The following ABCA12 variants were observed in gnomAD, a reference collection of about 807,000 sequenced individuals.
The protein encoded by ABCA12 is ATP binding cassette subfamily A member 12.
A neutral mutation model predicts 293.5 loss-of-function variants in ABCA12; 156 were observed. The ratio of observed to expected loss-of-function variants is 0.53; its 90% confidence interval spans 0.47 to 0.61. ABCA12 has a LOEUF of 0.61. Ranked by LOEUF, ABCA12 falls within the 20% of genes least tolerant of loss-of-function variation. ABCA12 has a pLI of 0.00. For missense variants in ABCA12, 2,797 were observed against 3,090.2 expected, an observed-to-expected ratio of 0.91 and a Z score of 2.25; for synonymous variants, 1,063 against 1,108.0, an observed-to-expected ratio of 0.96 and a Z score of 0.81.
At chr2:214,981,497 A>T (rs1699652454) in intron 30 of ABCA12, among the ~76,000 whole-genome samples, 1 of 152,116 alleles carries the variant, frequency 6.6e-6, no homozygotes, top group Non-Finnish European at 1.5e-5. Context: ...CTAAGCATTA[A>T]ACTTTGAAAC....
chr2:215,081,642 T>C (rs1040965448), intron 2 of ABCA12, among the ~76,000 whole-genome samples: 5 of 152,144 alleles, frequency 3.3e-5, no homozygotes, highest in African/African-American at 9.7e-5. Context: ...TTTTAAACAT[T>C]GGAATGCTCT....
rs1269195041 is a variant in ABCA12 at position 214,948,507 on chromosome 2, CA to C, written c.7104+88del. The C allele has an allele frequency of 8.2e-6, 11 of 1,345,226 alleles. No homozygotes were observed. The African/African-American group carries it at 2.0e-4, about 25-fold the overall frequency. 83.3% of individuals were successfully genotyped at this position (1,345,226 alleles called of 1,614,324 possible). Reference sequence around the variant, plus strand: ...GTGGTTTTGAGGGGAAATGGTGGGGCAGGGGGGACAGTGGGTGTGGTGGGGT... The same window carrying C: ...GTGGTTTTGAGGGGAAATGGTGGGGCGGGGGGACAGTGGGTGTGGTGGGGT... On this transcript the variant is annotated intron_variant, in intron 47 of 52. Transcript: ENST00000272895.
intron 7 of ABCA12, 94 bp from the exon 8 acceptor site, chr2:215,037,159 A>C: frequency 1.1e-6 from 1 of 909,852 alleles, no homozygotes; most frequent in South Asian, 1.4e-5. Context: ...TACAGTATAA[A>C]TTATTCTTAT....
chr2:214,988,963 G>C (rs914935581), intron 26 of ABCA12, among the ~76,000 whole-genome samples: 4 of 151,318 alleles, frequency 2.6e-5, no homozygotes, highest in African/African-American at 9.7e-5. Context: ...CAGATGACTT[G>C]AGATCAGAAG....
At chr2:214,949,248 C>T (rs960900938) in intron 45 of ABCA12, 99 bp from the exon 46 acceptor site, 13 of 875,172 alleles carry the variant, frequency 1.5e-5, no homozygotes, top group East Asian at 2.5e-5. Flanking sequence ...AATAAATTAC[C>T]GAGAAAAATA....
rs1464844751 is a variant in ABCA12 at position 214,974,799 on chromosome 2, ATGT to A, written c.5444_5446del (p.Asn1815del). ...TTACAGATCACTGGTGTTCAGACAC[ATGT>A]TGTCAATTCCAGGGAAGTCCCACAT... On this transcript the variant is annotated inframe_deletion, in exon 35 of 53. Coordinates refer to ENST00000272895, the MANE Select transcript of ABCA12 (RefSeq NM_173076.3). 4 of 1,614,090 alleles carry A rather than the reference ATGT, an allele frequency of 2.5e-6. No homozygotes were observed. Among genetic ancestry groups the A allele is most frequent in the African/African-American group, 1.3e-5 (1 of 75,046 alleles).
chr2:214,939,442 A>C (rs1698326364), intron 50 of ABCA12, among the ~76,000 whole-genome samples: 1 of 152,030 alleles, frequency 6.6e-6, no homozygotes, highest in African/African-American at 2.4e-5. Context: ...TCTTGGCTAT[A>C]GGGGCTCTTT....
intron 1 of ABCA12, among the ~76,000 whole-genome samples, chr2:215,112,175 T>C (rs974035107): frequency 1.3e-5 from 2 of 152,062 alleles, no homozygotes; most frequent in African/African-American, 2.4e-5. Flanking sequence ...CCCATAAATA[T>C]TGTTGAAAAA....
chr2:215,097,221 T>A (rs942902771), intron 2 of ABCA12, among the ~76,000 whole-genome samples: 1 of 152,172 alleles, frequency 6.6e-6, no homozygotes, highest in Non-Finnish European at 1.5e-5. Flanking sequence ...CTCCCCACTC[T>A]TCTCCATGCA....
intron 1 of ABCA12, among the ~76,000 whole-genome samples, chr2:215,134,098 G>A (rs1703121063): frequency 6.6e-6 from 1 of 151,534 alleles, no homozygotes; most frequent in South Asian, 2.1e-4. Context: ...TAATTTTGAG[G>A]GAAGTCACCA....
Position 214,934,218 on chromosome 2 carries a change from G to A in ABCA12, c.7543-3C>T. The A allele has an allele frequency of 5.6e-6, 9 of 1,613,624 alleles. No individual in the cohort carries two copies. Among genetic ancestry groups the A allele is most frequent in the Non-Finnish European group, 7.6e-6 (9 of 1,179,692 alleles). On this transcript the variant is annotated splice_polypyrimidine_tract_variant and splice_region_variant and intron_variant, in intron 51 of 52. Coordinates refer to ENST00000272895, the MANE Select transcript of ABCA12 (RefSeq NM_173076.3). Reference sequence around the variant, plus strand: ...TCTAGCATGCTGAGGTGCTGATCCTGTGGGAACCAAAGGAAAAAAGTTTAT... The same window carrying A: ...TCTAGCATGCTGAGGTGCTGATCCTATGGGAACCAAAGGAAAAAAGTTTAT...
At chr2:215,087,591 T>G (rs1702067736) in intron 2 of ABCA12, among the ~76,000 whole-genome samples, 1 of 151,994 alleles carries the variant, frequency 6.6e-6, no homozygotes, top group Non-Finnish European at 1.5e-5. Flanking sequence ...CAATTTCAAT[T>G]GGCATGATTC....
chr2:214,991,903 G>GT, intron 23 of ABCA12, among the ~76,000 whole-genome samples: 1 of 152,206 alleles, frequency 6.6e-6, no homozygotes, highest in East Asian at 1.9e-4. Context: ...GGAAGGGGAG[G>GT]TATAGCATTA....
chr2:214,990,694 T>C lies in ABCA12; in HGVS notation c.3624+8A>G, dbSNP rs1452900433. ...TTTCCCACTCTGCCATTCCAACGGT[T>C]GACTTACCATGAACACTTTCAATAC... On this transcript the variant is annotated splice_region_variant and intron_variant, in intron 24 of 52. Coordinates refer to ENST00000272895, the MANE Select transcript of ABCA12 (RefSeq NM_173076.3). 6.2e-7 allele frequency: 1 copy of C among 1,613,590 alleles called. No individual in the cohort carries two copies. Among genetic ancestry groups the C allele is most frequent in the African/African-American group, 1.3e-5 (1 of 74,914 alleles).
At chr2:215,024,006 T>C (rs1574991577) in intron 11 of ABCA12, among the ~76,000 whole-genome samples, 2 of 152,316 alleles carry the variant, frequency 1.3e-5, no homozygotes, top group Non-Finnish European at 2.9e-5. Context: ...GCATCTTCTG[T>C]TCCAGCTGAA....
Position 215,054,642 on chromosome 2 carries a change from T to A in ABCA12, c.340A>T (p.Asn114Tyr). 1 of 1,612,010 alleles carries A rather than the reference T, an allele frequency of 6.2e-7. No individual in the cohort carries two copies. Among genetic ancestry groups the A allele is most frequent in the Non-Finnish European group, 8.5e-7 (1 of 1,178,480 alleles). ...KDSEILRKSS[N>Y]LDKDSSLSFQ... is the part of the protein sequence containing the mutation. ...GATAAACTGCTGTCCTTATCCAGGTTGGATGACTTTCTCAGAATCTCACTA... is the reference window on the plus strand; with the variant it reads ...GATAAACTGCTGTCCTTATCCAGGTAGGATGACTTTCTCAGAATCTCACTA... Residue 114 changes from asparagine (N) to tyrosine (Y), a missense_variant, in exon 4 of 53, where the codon AAC (asparagine) becomes TAC (tyrosine). By Grantham distance (143) the Asn-to-Tyr change is moderately radical. Transcript: ENST00000272895.
At chr2:215,103,539 G>C (rs561573151) in intron 2 of ABCA12, among the ~76,000 whole-genome samples, 20 of 152,082 alleles carry the variant, frequency 1.3e-4, no homozygotes, top group African/African-American at 4.8e-4. Context: ...CACAAGTGCT[G>C]GGATTATAGG....
At chr2:214,985,581 T>C (rs966634064) in intron 28 of ABCA12, among the ~76,000 whole-genome samples, 6 of 152,208 alleles carry the variant, frequency 3.9e-5, no homozygotes, top group Admixed American at 2.6e-4. Context: ...TCTGGCCTTT[T>C]TGGCATTGTA....
chr2:214,972,327 T>C (rs1350102552), intron 36 of ABCA12, among the ~76,000 whole-genome samples: 1 of 152,212 alleles, frequency 6.6e-6, no homozygotes, highest in Non-Finnish European at 1.5e-5. Context: ...TGTTATTAAA[T>C]AGTTGGAAAT....
Sources: allele counts gnomAD v4.1 joint callset (sites outside exome capture counted in the v4.1 genomes callset), GRCh38; gene constraint gnomAD v4.1.1; transcripts MANE v1.5; gene names NCBI Gene and HGNC (gene_info 2026-07-23, HGNC 2026-07-21).